The following BRWD1 variants were observed in gnomAD, a reference collection of about 807,000 sequenced individuals.
BRWD1 encodes bromodomain and WD repeat domain containing 1, also known as bromodomain and WD repeat-containing protein 1.
A neutral mutation model predicts 251.2 loss-of-function variants in BRWD1; 82 were observed. The observed-to-expected ratio is 0.33, with a 90% confidence interval of 0.27 to 0.39. The LOEUF is 0.39. Among genes scored for constraint, BRWD1 ranks in the 10% least tolerant of loss-of-function variants. The pLI is 1.00. For synonymous variants in BRWD1, 918 were observed against 902.8 expected (o/e 1.02, Z -0.30); for missense variants, 2,233 against 2,711.6 (o/e 0.82, Z 3.92).
rs923362710 is a variant in BRWD1 at position 39,303,698 on chromosome 21, C to T, written c.199-5116G>A. On this transcript the variant is annotated intron_variant, in intron 4 of 40. Coordinates refer to ENST00000342449, the MANE Select transcript of BRWD1 (RefSeq NM_033656.4). ...AATAGCCAGGTGTGGTGGTGCATGC[C>T]TGTGGTTCCAGCTACTCAGGAGACT... Among the ~76,000 whole-genome samples the T allele has an allele frequency of 4.4e-4, 67 of 151,174 alleles. 1 individual carries two copies. The highest frequency in any genetic ancestry group is 9.3e-4 in the Admixed American group (14 of 15,126).
At chr21:39,238,374 T>A in intron 22 of BRWD1, 105 bp downstream of exon 22, 1 of 799,726 alleles carries the variant, frequency 1.3e-6, no homozygotes. Context: ...TATTAAAAAC[T>A]GTTCCACAGT....
At chr21:39,231,310 C>T (rs946673938) in intron 25 of BRWD1, among the ~76,000 whole-genome samples, 1 of 152,142 alleles carries the variant, frequency 6.6e-6, no homozygotes, top group Non-Finnish European at 1.5e-5. Flanking sequence ...CCAGAAATAC[C>T]ACTTCACACC....
At chr21:39,200,435 A>T (rs1339994088) in intron 38 of BRWD1, 49 bp from the exon 39 acceptor site, 1 of 1,505,640 alleles carries the variant, frequency 6.6e-7, no homozygotes, top group Admixed American at 1.9e-5. Flanking sequence ...CTGTCTTTAC[A>T]CACATAAGCA....
At chr21:39,313,180 C>T in intron 2 of BRWD1, 61 bp downstream of exon 2, 1 of 1,500,884 alleles carries the variant, frequency 6.7e-7, no homozygotes, top group Non-Finnish European at 8.9e-7. Context: ...CCACCCGCGA[C>T]CCCCGGCGGC....
intron 17 of BRWD1, among the ~76,000 whole-genome samples, chr21:39,263,720 A>C (rs2034828789): frequency 1.3e-5 from 2 of 152,234 alleles, no homozygotes; most frequent in Non-Finnish European, 2.9e-5. Flanking sequence ...AAAACTCATC[A>C]ATGGGTCCTA....
chr21:39,215,263 T>G lies in BRWD1; in HGVS notation c.3759A>C (p.Ile1253=). 6.2e-7 allele frequency: 1 copy of G among 1,612,714 alleles called. No individual in the cohort carries two copies. Among genetic ancestry groups the G allele is most frequent in the Non-Finnish European group, 8.5e-7 (1 of 1,178,790 alleles). ...ESVIARSAKK[I]TDQLLKFIKN... Reference sequence around the variant, plus strand: ...TGATAAATTTTAAAAGTTGGTCAGTTATCTTTTTAGCTGATCTTGCAATTA... The same window carrying G: ...TGATAAATTTTAAAAGTTGGTCAGTGATCTTTTTAGCTGATCTTGCAATTA... The change falls in exon 32 of 41, where the codon ATA becomes ATC. Residue 1253 remains isoleucine (I), a synonymous_variant. Transcript: ENST00000342449.
At chr21:39,268,975 G>A (rs950189353) in intron 15 of BRWD1, among the ~76,000 whole-genome samples, 3 of 151,958 alleles carry the variant, frequency 2.0e-5, no homozygotes, top group Non-Finnish European at 2.9e-5. Flanking sequence ...GCGACAGAGC[G>A]AGACTCTGTC....
At chr21:39,209,506 C>T (rs1352038031) in intron 36 of BRWD1, among the ~76,000 whole-genome samples, 1 of 152,044 alleles carries the variant, frequency 6.6e-6, no homozygotes, top group African/African-American at 2.4e-5. Flanking sequence ...AGCAAAGAGC[C>T]TCCACTGGCT....
At chr21:39,289,678 C>A (rs182327424) in intron 8 of BRWD1, among the ~76,000 whole-genome samples, 2 of 151,542 alleles carry the variant, frequency 1.3e-5, no homozygotes, top group East Asian at 3.9e-4. Context: ...TTTCTATTAG[C>A]AATTTAAAAA....
At chr21:39,313,354 G>T in intron 1 of BRWD1, 55 bp from the exon 2 acceptor site, 1 of 1,466,334 alleles carries the variant, frequency 6.8e-7, no homozygotes, top group Non-Finnish European at 9.1e-7. Flanking sequence ...AGGGGGACGG[G>T]GCCAGGGGAG....
chr21:39,269,052 G>A (rs1017853524), intron 15 of BRWD1, among the ~76,000 whole-genome samples: 1 of 151,850 alleles, frequency 6.6e-6, no homozygotes, highest in African/African-American at 2.4e-5. Context: ...TAAACACAAC[G>A]CATGAGCCTG....
At position 39,199,681 on chromosome 21, in the gene BRWD1, AT is replaced by A; in HGVS notation, c.4754-20del. ...ACGGGACCTAGAAATAAGGTTAACA[AT>A]AAGATTAAAAAGATTTTCCTTATTT... On this transcript the variant is annotated intron_variant, in intron 39 of 40. Coordinates refer to ENST00000342449, the MANE Select transcript of BRWD1 (RefSeq NM_033656.4). 6.5e-7 allele frequency: 1 copy of A among 1,545,326 alleles called. No homozygotes were observed.
chr21:39,271,615 T>C (rs746379575), intron 13 of BRWD1, among the ~76,000 whole-genome samples: 24 of 132,940 alleles, frequency 1.8e-4, no homozygotes, highest in Non-Finnish European at 3.0e-4. Flanking sequence ...GAGGATAGCA[T>C]GAACCCAGGA....
Position 39,187,288 on chromosome 21 carries a change from C to T in BRWD1, c.*8971G>A. Reference sequence around the variant, plus strand: ...TATTTTATTTGCAGCAACAGTAGCACATCTGCGGGGAACTTTCTCAGGTAC... The same window carrying T: ...TATTTTATTTGCAGCAACAGTAGCATATCTGCGGGGAACTTTCTCAGGTAC... On this transcript the variant is annotated 3_prime_UTR_variant, in exon 41 of 41. Transcript: ENST00000342449. 2 of 1,614,022 alleles carry T rather than the reference C, an allele frequency of 1.2e-6. No individual in the cohort carries two copies. The highest frequency in any genetic ancestry group is 1.7e-6 in the Non-Finnish European group (2 of 1,179,942).
chr21:39,247,669 T>G (rs971574247), intron 21 of BRWD1, 32 bp downstream of exon 21: 3 of 1,570,134 alleles, frequency 1.9e-6, no homozygotes, highest in Admixed American at 1.9e-5. Context: ...CATTTAAGAT[T>G]ATCTTATAAC....
At chr21:39,262,158 AATAC>A (rs2034771495) in intron 17 of BRWD1, among the ~76,000 whole-genome samples, 1 of 152,232 alleles carries the variant, frequency 6.6e-6, no homozygotes, top group South Asian at 2.1e-4. Flanking sequence ...TGAACTTTAA[AATAC>A]ATAAAGTAAA....
chr21:39,274,341 A>G, intron 13 of BRWD1, 33 bp downstream of exon 13: 1 of 1,506,078 alleles, frequency 6.6e-7, no homozygotes, highest in Non-Finnish European at 9.2e-7. Flanking sequence ...TCGAACACCT[A>G]TGATGCACCT....
chr21:39,270,265 G>A lies in BRWD1; in HGVS notation c.1395+18C>T. On this transcript the variant is annotated intron_variant, in intron 14 of 40. Coordinates refer to ENST00000342449, the MANE Select transcript of BRWD1 (RefSeq NM_033656.4). Reference sequence around the variant, plus strand: ...TTCAAAAAATCTCATTTGTTACACTGTACCAGAAATTACCTACCATTAAGT... The same window carrying A: ...TTCAAAAAATCTCATTTGTTACACTATACCAGAAATTACCTACCATTAAGT... The A allele has an allele frequency of 6.5e-7, 1 of 1,540,578 alleles. No individual in the cohort carries two copies. The highest frequency in any genetic ancestry group is 2.1e-5 in the Admixed American group (1 of 46,846).
chr21:39,294,196 A>G lies in BRWD1; in HGVS notation c.610-164T>C, dbSNP rs556530119. 1.1e-4 allele frequency among the ~76,000 whole-genome samples: 16 copies of G among 152,338 alleles called. No homozygotes were observed. The Middle Eastern group carries it at 0.017, about 162-fold the overall frequency. ...TGACTATGGTCAGAACACCTATGGA[A>G]TAATAGTATTTTTCTTTAAGGCAAA... On this transcript the variant is annotated intron_variant, in intron 7 of 40. Coordinates refer to ENST00000342449, the MANE Select transcript of BRWD1 (RefSeq NM_033656.4).
Sources: allele counts gnomAD v4.1 joint callset (sites outside exome capture counted in the v4.1 genomes callset), GRCh38; gene constraint gnomAD v4.1.1; transcripts MANE v1.5; gene names NCBI Gene and HGNC (gene_info 2026-07-23, HGNC 2026-07-21).